CACNA1C: variants seen among roughly 807,000 people sequenced by gnomAD.
CACNA1C encodes the protein voltage-dependent L-type calcium channel subunit alpha-1C.
CACNA1C carries 30 observed loss-of-function variants against 229.0 expected under a neutral mutation model. That is an observed-to-expected ratio of 0.13 (90% CI 0.10 to 0.18). The LOEUF (loss-of-function observed/expected upper bound fraction) is 0.18, where lower values mean the gene tolerates loss of function less well. Among genes scored for constraint, CACNA1C ranks in the 10% least tolerant of loss-of-function variants. The pLI is 1.00. For missense variants in CACNA1C, 1,658 were observed against 2,845.0 expected (o/e 0.58, Z 9.49); for synonymous variants, 1,114 against 1,132.5 (o/e 0.98, Z 0.33).
chr12:1,993,587 T>C (rs1593257066), intron 1 of CACNA1C, among the ~76,000 whole-genome samples: 1 of 152,080 alleles, frequency 6.6e-6, no homozygotes, highest in South Asian at 2.1e-4. Flanking sequence ...AGCACTGGCA[T>C]GATGATTCAT....
intron 3 of CACNA1C, among the ~76,000 whole-genome samples, chr12:2,416,210 C>T (rs374910512): frequency 1.9e-4 from 28 of 151,310 alleles, no homozygotes; most frequent in South Asian, 6.2e-4. Flanking sequence ...TTCCCACCTG[C>T]GTGCACCTCC....
At chr12:2,351,274 CT>C (rs1481384018) in intron 3 of CACNA1C, among the ~76,000 whole-genome samples, 1 of 152,186 alleles carries the variant, frequency 6.6e-6, no homozygotes, top group Non-Finnish European at 1.5e-5. Flanking sequence ...CAAATGTCCC[CT>C]GGGGCGAAGG....
chr12:2,397,486 G>A lies in CACNA1C; in HGVS notation c.478-51490G>A, dbSNP rs143816177. Among the ~76,000 whole-genome samples, 27 of 152,302 alleles carry A rather than the reference G, an allele frequency of 1.8e-4. No homozygotes were observed. The East Asian group carries it at 2.5e-3, about 14-fold the overall frequency. ...AGTCAGGTAAGCAGCAGCAACACACGTGCCGCGGAGGCGGCACCTACATTC... is the reference window on the plus strand; with the variant it reads ...AGTCAGGTAAGCAGCAGCAACACACATGCCGCGGAGGCGGCACCTACATTC... On this transcript the variant is annotated intron_variant, in intron 3 of 46. Transcript: ENST00000399655.
chr12:2,565,054 C>T (rs1160586444), intron 11 of CACNA1C, among the ~76,000 whole-genome samples: 1 of 152,128 alleles, frequency 6.6e-6, no homozygotes, highest in Non-Finnish European at 1.5e-5. Context: ...TATATTTTCT[C>T]TGTATCAGGA....
Position 2,694,115 on chromosome 12 carries a change from G to A in CACNA1C, c.*2916G>A, listed in dbSNP as rs1569321402. The A allele has an allele frequency of 6.6e-6, 1 of 152,156 alleles. No individual in the cohort carries two copies. The highest frequency in any genetic ancestry group is 1.5e-5 in the Non-Finnish European group (1 of 68,030). 9.4% of individuals were successfully genotyped at this position (152,156 alleles called of 1,614,324 possible). On this transcript the variant is annotated 3_prime_UTR_variant, in exon 47 of 47. Transcript: ENST00000399655. Reference sequence around the variant, plus strand: ...GAAAAGTTCCCAAGATTTCTACCAGGAGGTACACACAGGCGTTCCCTGTCT... The same window carrying A: ...GAAAAGTTCCCAAGATTTCTACCAGAAGGTACACACAGGCGTTCCCTGTCT...
chr12:2,348,095 AG>A lies in CACNA1C; in HGVS notation c.478-100879del, dbSNP rs2097100334. 6.6e-6 allele frequency among the ~76,000 whole-genome samples: 1 copy of A among 152,200 alleles called. No individual in the cohort carries two copies. The highest frequency in any genetic ancestry group is 2.4e-5 in the African/African-American group (1 of 41,464). On this transcript the variant is annotated intron_variant, in intron 3 of 46. Coordinates refer to ENST00000399655, the MANE Select transcript of CACNA1C (RefSeq NM_000719.7). This position sits in a 1 kb window ranked among gnomAD's most constrained non-coding sequence, Gnocchi z 4.7. ...AACTGCAGTGAGGTGACTGTGCGGC[AG>A]GCCCACTCTCAACTCGAGGGGAGCC...
intron 3 of CACNA1C, among the ~76,000 whole-genome samples, chr12:2,202,756 T>G (rs2097628381): frequency 6.6e-6 from 1 of 152,184 alleles, no homozygotes; most frequent in Non-Finnish European, 1.5e-5. Context: ...TAAAAATGTT[T>G]CATGAGCAAC....
intron 3 of CACNA1C, among the ~76,000 whole-genome samples, chr12:2,204,303 GT>G (rs535514238): frequency 8.5e-5 from 13 of 152,050 alleles, no homozygotes; most frequent in African/African-American, 3.1e-4. Flanking sequence ...GGGGTTGTTT[GT>G]TTTTTTCTTG....
chr12:2,541,987 G>A, intron 9 of CACNA1C, among the ~76,000 whole-genome samples: 1 of 152,132 alleles, frequency 6.6e-6, no homozygotes, highest in Non-Finnish European at 1.5e-5. Flanking sequence ...CTATGAGGAT[G>A]GTTCTCCCCA....
chr12:2,658,845 C>A (rs201669652), intron 34 of CACNA1C, among the ~76,000 whole-genome samples: 7 of 149,530 alleles, frequency 4.7e-5, no homozygotes, highest in Non-Finnish European at 7.4e-5. Context: ...CAGCTTTTAA[C>A]AAAAAGCTAA....
intron 3 of CACNA1C, among the ~76,000 whole-genome samples, chr12:2,283,608 A>G (rs1384009395): frequency 6.6e-6 from 1 of 152,226 alleles, no homozygotes; most frequent in East Asian, 1.9e-4. Flanking sequence ...GCAGGTACCC[A>G]ATACGTGTCT....
chr12:2,648,405 A>G, intron 30 of CACNA1C, 70 bp from the exon 31 acceptor site: 1 of 1,435,392 alleles, frequency 7.0e-7, no homozygotes, highest in Non-Finnish European at 9.8e-7. Flanking sequence ...CGTGTCAGCC[A>G]AGACCTAGAA....
At chr12:1,993,130 A>C in intron 1 of CACNA1C, 1 of 1,169,898 alleles carries the variant, frequency 8.5e-7, no homozygotes, top group East Asian at 2.3e-5. Flanking sequence ...CCTAAACATT[A>C]ACATTTGTTA....
chr12:2,004,511 A>T (rs1054306548), intron 1 of CACNA1C: 34 of 1,511,602 alleles, frequency 2.2e-5, no homozygotes, highest in Non-Finnish European at 3.0e-5. Flanking sequence ...GCTGCCTCGC[A>T]ACCGAGAACC....
At position 2,467,016 on chromosome 12, in the gene CACNA1C, A is replaced by C. The variant is rs1004149803; in HGVS notation, c.757+9310A>C. Among the ~76,000 whole-genome samples the C allele has an allele frequency of 6.6e-6, 1 of 152,242 alleles. No homozygotes were observed. The highest frequency in any genetic ancestry group is 2.4e-5 in the African/African-American group (1 of 41,560). ...TACAGGCCACATACCCTTAAACAAC[A>C]TGAGGGGACACTTACAAAGCTACTT... On this transcript the variant is annotated intron_variant, in intron 5 of 46. Transcript: ENST00000399655. This position sits in a 1 kb window ranked among gnomAD's most constrained non-coding sequence, Gnocchi z 4.6.
chr12:2,452,274 G>C (rs565376918), intron 4 of CACNA1C, among the ~76,000 whole-genome samples: 4 of 152,234 alleles, frequency 2.6e-5, no homozygotes, highest in African/African-American at 9.6e-5. Flanking sequence ...GAGGCCTCTT[G>C]GTGGTGGGAT....
intron 3 of CACNA1C, among the ~76,000 whole-genome samples, chr12:2,242,585 G>A (rs1279344206): frequency 6.6e-6 from 1 of 152,214 alleles, no homozygotes; most frequent in Non-Finnish European, 1.5e-5. Flanking sequence ...TATGTCAGTG[G>A]CCTGTTGGCC....
intron 30 of CACNA1C, among the ~76,000 whole-genome samples, chr12:2,634,668 A>G (rs1359483557): frequency 2.0e-5 from 3 of 151,448 alleles, no homozygotes; most frequent in African/African-American, 7.3e-5. Flanking sequence ...CTCACACTGT[A>G]TCGGAGGAAG....
At chr12:2,123,073 C>T (rs1180946242) in intron 3 of CACNA1C, among the ~76,000 whole-genome samples, 1 of 152,202 alleles carries the variant, frequency 6.6e-6, no homozygotes, top group African/African-American at 2.4e-5. Context: ...ATCTTGGCTT[C>T]TCCACTTTAA....
Sources: gnomAD v4.1 joint callset for allele counts (sites outside exome capture counted in the v4.1 genomes callset) on GRCh38, gnomAD v4.1.1 for gene constraint, Gnocchi (gnomAD v3.1) non-coding constraint, MANE v1.5 for transcripts, NCBI Gene and HGNC (gene_info 2026-07-23, HGNC 2026-07-21) for gene names.